The following RANBP2 variants were observed in gnomAD, a reference collection of about 807,000 sequenced individuals.
RANBP2 encodes the protein E3 SUMO-protein ligase RanBP2.
RANBP2 carries 57 observed loss-of-function variants against 303.6 expected under a neutral mutation model. The ratio of observed to expected loss-of-function variants is 0.19; its 90% CI spans 0.15 to 0.23. RANBP2 has a LOEUF of 0.23. Among genes scored for constraint, RANBP2 ranks in the 10% least tolerant of loss-of-function variants. The pLI is 1.00. For synonymous variants in RANBP2, 1,167 were observed against 1,301.5 expected, an observed-to-expected ratio of 0.90 and a Z score of 2.23; for missense variants, 3,138 against 3,780.8, an observed-to-expected ratio of 0.83 and a Z score of 4.46.
At chr2:109,061,225 T>C in the RANBP2 span, among the ~76,000 whole-genome samples, 1 of 152,122 alleles carries the variant, frequency 6.6e-6, no homozygotes, top group Non-Finnish European at 1.5e-5. Context: ...TGAGAGTGTG[T>C]GTACTTATGC....
the RANBP2 span, among the ~76,000 whole-genome samples, chr2:109,709,164 G>T: frequency 6.6e-6 from 1 of 151,040 alleles, no homozygotes; most frequent in African/African-American, 2.4e-5. Flanking sequence ...AAATTAGCCA[G>T]GCATGGGGGT....
At chr2:109,721,630 G>A in the RANBP2 span, among the ~76,000 whole-genome samples, 49 of 152,188 alleles carry the variant, frequency 3.2e-4, no homozygotes, top group African/African-American at 7.0e-4. Context: ...TGGCTGTTTC[G>A]GTCTTCCAAT....
At chr2:109,714,999 C>T in the RANBP2 span, among the ~76,000 whole-genome samples, 6 of 138,658 alleles carry the variant, frequency 4.3e-5, no homozygotes, top group South Asian at 4.7e-4. Context: ...CGTGGAGTTT[C>T]GCTCTTGTTG....
chr2:109,583,989 G>C, the RANBP2 span, among the ~76,000 whole-genome samples: 1 of 152,142 alleles, frequency 6.6e-6, no homozygotes, highest in African/African-American at 2.4e-5. Context: ...GGGACTACTA[G>C]AGTGGGAAGG....
At chr2:109,564,643 G>T in the RANBP2 span, 2 of 959,482 alleles carry the variant, frequency 2.1e-6, no homozygotes, top group Non-Finnish European at 2.9e-6. Context: ...ACAACAAATA[G>T]CAAATGATCA....
the RANBP2 span, among the ~76,000 whole-genome samples, chr2:109,373,257 A>T: frequency 6.6e-6 from 1 of 152,230 alleles, no homozygotes; most frequent in Non-Finnish European, 1.5e-5. Flanking sequence ...ACCACTTACA[A>T]TGTCGTCCAG....
the RANBP2 span, among the ~76,000 whole-genome samples, chr2:108,965,073 C>T: frequency 6.6e-6 from 1 of 151,908 alleles, no homozygotes; most frequent in Non-Finnish European, 1.5e-5. Context: ...ACTATGCCAC[C>T]CACTTAGAAA....
the RANBP2 span, among the ~76,000 whole-genome samples, chr2:108,830,097 G>C: frequency 6.6e-6 from 1 of 152,170 alleles, no homozygotes; most frequent in Non-Finnish European, 1.5e-5. Flanking sequence ...GCATGAAATT[G>C]ACACATGCTA....
At chr2:108,725,279 T>C (rs1694606380) in intron 1 of RANBP2, among the ~76,000 whole-genome samples, 3 of 152,246 alleles carry the variant, frequency 2.0e-5, no homozygotes, top group Admixed American at 6.5e-5. Flanking sequence ...ATTTACCTGC[T>C]TGAGCTTCAG....
the RANBP2 span, among the ~76,000 whole-genome samples, chr2:109,324,980 C>T: frequency 6.6e-6 from 1 of 152,128 alleles, no homozygotes; most frequent in Admixed American, 6.5e-5. Flanking sequence ...ACAGTTTTGG[C>T]AAGGAAAAGT....
chr2:109,383,064 C>CA, the RANBP2 span, among the ~76,000 whole-genome samples: 1 of 152,230 alleles, frequency 6.6e-6, no homozygotes, highest in Non-Finnish European at 1.5e-5. Context: ...AAACCGGTGT[C>CA]AGATTCCATG....
At chr2:109,351,917 C>T in the RANBP2 span, among the ~76,000 whole-genome samples, 1 of 152,222 alleles carries the variant, frequency 6.6e-6, no homozygotes, top group Non-Finnish European at 1.5e-5. Context: ...TATGGGAAGT[C>T]TTACCTTTGT....
the RANBP2 span, among the ~76,000 whole-genome samples, chr2:109,435,824 G>A: frequency 1.3e-5 from 2 of 152,218 alleles, no homozygotes; most frequent in Non-Finnish European, 2.9e-5. Flanking sequence ...ATAGAAAATG[G>A]GATTTTTAAA....
At chr2:109,393,223 G>A in the RANBP2 span, among the ~76,000 whole-genome samples, 4 of 152,244 alleles carry the variant, frequency 2.6e-5, no homozygotes, top group Non-Finnish European at 4.4e-5. Flanking sequence ...GAGCTTCAGG[G>A]TAAGGCGAAC....
At chr2:109,280,603 C>T in the RANBP2 span, among the ~76,000 whole-genome samples, 5 of 151,054 alleles carry the variant, frequency 3.3e-5, no homozygotes, top group Non-Finnish European at 7.4e-5. Context: ...AAGTAGTCTC[C>T]AAGCTAAAAA....
chr2:108,794,753 A>T, the RANBP2 span: 1 of 1,485,156 alleles, frequency 6.7e-7, no homozygotes, highest in Non-Finnish European at 9.3e-7. Context: ...GAGAATTCAG[A>T]AATATTTATG....
At chr2:109,491,760 C>T in the RANBP2 span, among the ~76,000 whole-genome samples, 1 of 152,204 alleles carries the variant, frequency 6.6e-6, no homozygotes, top group African/African-American at 2.4e-5. Context: ...TGAGTGCCTA[C>T]ACATTGTAAC....
the RANBP2 span, among the ~76,000 whole-genome samples, chr2:109,171,984 G>C: frequency 1.3e-5 from 2 of 152,242 alleles, no homozygotes; most frequent in Non-Finnish European, 2.9e-5. Flanking sequence ...GTGATTCTCA[G>C]CTGAGTCGCC....
At chr2:109,683,653 T>C in the RANBP2 span, among the ~76,000 whole-genome samples, 1 of 152,088 alleles carries the variant, frequency 6.6e-6, no homozygotes, top group Non-Finnish European at 1.5e-5. Context: ...GCTGGACTCA[T>C]AGTCTCCACT....
Sources: allele counts gnomAD v4.1 joint callset (sites outside exome capture counted in the v4.1 genomes callset), GRCh38; gene constraint gnomAD v4.1.1; transcripts MANE v1.5; gene names NCBI Gene and HGNC (gene_info 2026-07-23, HGNC 2026-07-21).